MYOM3: variants seen among roughly 807,000 people sequenced by gnomAD.
MYOM3 encodes myomesin 3.
Under a neutral mutation model 191.7 loss-of-function variants are expected in MYOM3, and 155 were observed. That is an observed-to-expected ratio of 0.81 (90% CI 0.71 to 0.92). The LOEUF is 0.92. Among genes scored for constraint, MYOM3 ranks in the 40% least tolerant of loss-of-function variants. The pLI, the probability that MYOM3 is intolerant of heterozygous loss-of-function variation, is 0.00. For missense variants in MYOM3, 1,889 were observed against 1,890.6 expected, an observed-to-expected ratio of 1.00 and a Z score of 0.02; for synonymous variants, 757 against 762.9, an observed-to-expected ratio of 0.99 and a Z score of 0.13.
At chr1:24,103,037 C>T (rs1643950973) in intron 5 of MYOM3, among the ~76,000 whole-genome samples, 1 of 152,180 alleles carries the variant, frequency 6.6e-6, no homozygotes, top group African/African-American at 2.4e-5. Context: ...CTGAGTTGCC[C>T]AGGCTGGAGG....
chr1:24,099,011 G>A (rs1415588988), intron 6 of MYOM3, among the ~76,000 whole-genome samples: 6 of 152,148 alleles, frequency 3.9e-5, no homozygotes, highest in Admixed American at 2.0e-4. Context: ...TGGATCGTAT[G>A]TGAAAAGCAC....
intron 13 of MYOM3, 132 bp downstream of exon 13, chr1:24,089,933 C>T (rs1643795263): frequency 3.2e-6 from 3 of 926,440 alleles, no homozygotes; most frequent in South Asian, 3.2e-5. Context: ...ACTCTGACTG[C>T]CTCCAACTAG....
At chr1:24,062,146 G>C in intron 32 of MYOM3, 37 bp from the exon 33 acceptor site, 1 of 1,609,444 alleles carries the variant, frequency 6.2e-7, no homozygotes, top group Non-Finnish European at 8.5e-7. Context: ...AAGGCTGCCT[G>C]TCTGCAGGTC....
At chr1:24,064,281 C>T (rs948931991) in intron 29 of MYOM3, 122 bp from the exon 30 acceptor site, 3 of 668,044 alleles carry the variant, frequency 4.5e-6, no homozygotes, top group Admixed American at 5.5e-5. Flanking sequence ...CAGGTAAGAC[C>T]CTTCTCCTCC....
Position 24,108,072 on chromosome 1 carries a change from C to A in MYOM3, c.163G>T (p.Glu55Ter). The change falls in exon 3 of 37, where the codon GAA becomes TAA. Residue 55 changes from glutamate (E) to a stop codon, truncating the protein, a stop_gained and splice_region_variant. Coordinates refer to ENST00000374434, the MANE Select transcript of MYOM3 (RefSeq NM_152372.4). LOFTEE classifies it high-confidence loss of function. ...GCGGCGCTGAACTCATGCTCTTCTT[C>A]GCTGCTCCCAGAAGGAGGGGAGTAA... Reference protein sequence around the residue: ...SVRRRTFRSSEEEHEFSAADY... With the variant: ...SVRRRTFRSS 6.2e-7 allele frequency: 1 copy of A among 1,613,406 alleles called. No homozygotes were observed. Among genetic ancestry groups the A allele is most frequent in the Non-Finnish European group, 8.5e-7 (1 of 1,179,690 alleles).
Position 24,074,243 on chromosome 1 carries a change from C to A in MYOM3, c.2885G>T (p.Gly962Val), listed in dbSNP as rs1361166121. ...NKSKVILKEP[G>V]LEDLGTYSVI... ...TGAGTAGGTGCCCAAATCCTCGAGG[C>A]CGGGTTCTTTCAGGATGACCTTGGA... The change falls in exon 23 of 37, where the codon GGC becomes GTC. Residue 962 changes from glycine (G) to valine (V), a missense_variant. Coordinates refer to ENST00000374434, the MANE Select transcript of MYOM3 (RefSeq NM_152372.4). The A allele has an allele frequency of 6.2e-7, 1 of 1,614,042 alleles. No homozygotes were observed. The highest frequency in any genetic ancestry group is 1.7e-5 in the Admixed American group (1 of 60,008).
rs539966428 is a variant in MYOM3 at position 24,109,092 on chromosome 1, C to T, written c.-18-438G>A. ...GCAGGCGTCCCCATTCTTCCTGCAC[C>T]GGCCATGTTCAGTCCTACCTCTGGG... is the stretch of plus-strand genomic sequence containing the variant. On this transcript the variant is annotated intron_variant, in intron 1 of 36. Coordinates refer to ENST00000374434, the MANE Select transcript of MYOM3 (RefSeq NM_152372.4). Among the ~76,000 whole-genome samples, 4 of 152,344 alleles carry T rather than the reference C, an allele frequency of 2.6e-5. 1 individual carries two copies. The South Asian group carries it at 6.2e-4, about 24-fold the overall frequency.
rs765283887 is a variant in MYOM3, at chr1:24,080,093, GA to G, written c.2508del (p.His837ThrfsTer25). 2 of 1,614,176 alleles carry G rather than the reference GA, an allele frequency of 1.2e-6. No homozygotes were observed. Among genetic ancestry groups the G allele is most frequent in the Non-Finnish European group, 1.7e-6 (2 of 1,180,022 alleles). ...LYMGAGPVTG[Y>X]HVSFQEEGSE... ...GAGCCTTCCTCCTGGAAACTGACGT[GA>G]TAGCCTGTGACAGGCCCAGCCCCCA... On this transcript the variant is annotated frameshift_variant, in exon 20 of 37. Transcript: ENST00000374434. LOFTEE classifies it high-confidence loss of function.
chr1:24,060,236 C>T (rs1296614508), intron 35 of MYOM3, among the ~76,000 whole-genome samples: 3 of 152,154 alleles, frequency 2.0e-5, no homozygotes, highest in African/African-American at 7.2e-5. Context: ...TCCACCGAGG[C>T]GCCCCTCAGC....
chr1:24,087,633 C>T lies in MYOM3; in HGVS notation c.1615-806G>A, dbSNP rs549260355. On this transcript the variant is annotated intron_variant, in intron 14 of 36. Coordinates refer to ENST00000374434, the MANE Select transcript of MYOM3 (RefSeq NM_152372.4). The surrounding 1 kb of genome is among the most constrained non-coding windows in gnomAD (Gnocchi z 4.5). Reference sequence around the variant, plus strand: ...CTGTAGGCCTTTAATAAAAATCCACCTTCCTGGGCAGTGGGGAGGCCATCC... The same window carrying T: ...CTGTAGGCCTTTAATAAAAATCCACTTTCCTGGGCAGTGGGGAGGCCATCC... 2.6e-5 allele frequency among the ~76,000 whole-genome samples: 4 copies of T among 152,218 alleles called. No homozygotes were observed. The highest frequency in any genetic ancestry group is 4.2e-4 in the South Asian group (2 of 4,812).
rs767023329 is a variant in MYOM3, at chr1:24,067,399, C to CTTTCTTT, written c.3356-312_3356-311insAAAGAAA. On this transcript the variant is annotated intron_variant, in intron 27 of 36. Coordinates refer to ENST00000374434, the MANE Select transcript of MYOM3 (RefSeq NM_152372.4). ...TTCTTTCTTTCTTTTTCCTTCCTTC[C>CTTTCTTT]TTCCTTCCTTCCTTCCTTCCTTCCT... is the stretch of plus-strand genomic sequence containing the variant. Among the ~76,000 whole-genome samples the CTTTCTTT allele has an allele frequency of 9.7e-4, 38 of 39,142 alleles. 1 individual carries two copies. Among genetic ancestry groups the CTTTCTTT allele is most frequent in the Non-Finnish European group, 1.3e-3 (28 of 22,144 alleles). 25.7% of individuals were successfully genotyped at this position (39,142 alleles called of 152,430 possible). A position where few individuals can be genotyped will look rare whatever the true frequency, so the allele number is the denominator to read the frequency against.
intron 21 of MYOM3, 120 bp downstream of exon 21, chr1:24,076,039 G>A: frequency 1.4e-6 from 1 of 705,060 alleles, no homozygotes; most frequent in South Asian, 1.7e-5. Context: ...GCTTGCTGGA[G>A]GGCCAGAGAA....
intron 29 of MYOM3, 194 bp from the exon 30 acceptor site, chr1:24,064,353 C>T (rs1350831500): frequency 3.1e-5 from 17 of 546,146 alleles, no homozygotes; most frequent in Non-Finnish European, 2.3e-5. Context: ...GCTCCAGAGC[C>T]CTTGGATTCC....
chr1:24,058,938 T>G lies in MYOM3; in HGVS notation c.4036A>C (p.Ile1346Leu). 1.2e-6 allele frequency: 2 copies of G among 1,611,456 alleles called. No individual in the cohort carries two copies. The highest frequency in any genetic ancestry group is 1.7e-6 in the Non-Finnish European group (2 of 1,179,032). Reference protein sequence around the residue: ...VVRGLPDVATIMEDKTLCLTC... With the variant: ...VVRGLPDVATLMEDKTLCLTC... ...AGGGTCAGTACCTTATCTTCCATGA[T>G]AGTGGCCACATCCGGCAGACCTCTC... Residue 1346 changes from isoleucine (I) to leucine (L), a missense_variant, in exon 36 of 37, where the codon ATC becomes CTC. Transcript: ENST00000374434.
intron 27 of MYOM3, among the ~76,000 whole-genome samples, chr1:24,067,376 CTT>C (rs60801549): frequency 1.8e-5 from 2 of 112,102 alleles, no homozygotes; most frequent in African/African-American, 7.6e-5. Flanking sequence ...TTCTTTCCTT[CTT>C]TCTTTCTTTT....
In MYOM3 at chr1:24,058,908, T is replaced by A; in HGVS notation, c.4050+16A>T. The A allele has an allele frequency of 6.3e-7, 1 of 1,596,210 alleles. No homozygotes were observed. Among genetic ancestry groups the A allele is most frequent in the Non-Finnish European group, 8.6e-7 (1 of 1,167,428 alleles). ...CAGAGGGGGACTGCTGGCTGTGGGC[T>A]GGGAAGGGTCAGTACCTTATCTTCC... is the stretch of plus-strand genomic sequence containing the variant. On this transcript the variant is annotated intron_variant, in intron 36 of 36. Transcript: ENST00000374434.
At chr1:24,062,139 G>A (rs759408676) in intron 32 of MYOM3, 30 bp from the exon 33 acceptor site, 1 of 1,611,236 alleles carries the variant, frequency 6.2e-7, no homozygotes, top group Non-Finnish European at 8.5e-7. Context: ...AATGGTTAAG[G>A]CTGCCTGTCT....
intron 12 of MYOM3, 59 bp downstream of exon 12, chr1:24,090,738 C>G (rs72879634): frequency 1.3e-6 from 2 of 1,557,846 alleles, no homozygotes; most frequent in Non-Finnish European, 1.8e-6. Flanking sequence ...CTGTGTGAGA[C>G]AGTCCTGAGG....
At chr1:24,062,148 C>T (rs774943717) in intron 32 of MYOM3, 39 bp from the exon 33 acceptor site, 1 of 1,609,332 alleles carries the variant, frequency 6.2e-7, no homozygotes, top group South Asian at 1.1e-5. Context: ...GGCTGCCTGT[C>T]TGCAGGTCAA....
Sources: allele counts gnomAD v4.1 joint callset (sites outside exome capture counted in the v4.1 genomes callset), GRCh38; gene constraint gnomAD v4.1.1; non-coding constraint Gnocchi (gnomAD v3.1); transcripts MANE v1.5; gene names NCBI Gene and HGNC (gene_info 2026-07-23, HGNC 2026-07-21).